Variants in EYS observed in about 807,000 individuals in gnomAD.
EYS encodes protein eyes shut homolog.
Under a neutral mutation model 282.1 loss-of-function variants are expected in EYS, and 250 were observed. That is an observed-to-expected ratio of 0.89 (90% CI 0.80 to 0.98). The LOEUF (loss-of-function observed/expected upper bound fraction) is 0.98, where lower values mean the gene tolerates loss of function less well. Ranked by LOEUF, EYS falls within the 50% of genes least tolerant of loss-of-function variation. The pLI, the probability that EYS is intolerant of heterozygous loss-of-function variation, is 0.00. For synonymous variants in EYS, 1,355 were observed against 1,282.9 expected (o/e 1.06, Z -1.20); for missense variants, 4,016 against 3,709.0 (o/e 1.08, Z -2.15).
chr6:64,204,827 AT>A (rs1765568937), intron 31 of EYS, among the ~76,000 whole-genome samples: 1 of 151,884 alleles, frequency 6.6e-6, no homozygotes, highest in African/African-American at 2.4e-5. Context: ...TGAATATTTC[AT>A]TCTTGTGAAT....
intron 26 of EYS, among the ~76,000 whole-genome samples, chr6:64,466,533 G>A (rs887870778): frequency 6.6e-6 from 1 of 152,130 alleles, no homozygotes; most frequent in Non-Finnish European, 1.5e-5. Flanking sequence ...TTACTTACAT[G>A]TGGAATCTAA....
At chr6:64,308,516 T>C (rs924523017) in intron 29 of EYS, among the ~76,000 whole-genome samples, 1 of 152,066 alleles carries the variant, frequency 6.6e-6, no homozygotes, top group African/African-American at 2.4e-5. Context: ...ATTTCAAGCT[T>C]AGGTGAACCA....
At chr6:65,426,694 ACTTTT>A (rs1226448175) in intron 5 of EYS, among the ~76,000 whole-genome samples, 1 of 152,122 alleles carries the variant, frequency 6.6e-6, no homozygotes, top group African/African-American at 2.4e-5. Context: ...GGGTTGTGAG[ACTTTT>A]CTTTTACTAT....
intron 5 of EYS, among the ~76,000 whole-genome samples, chr6:65,462,922 T>C (rs1387395721): frequency 6.6e-6 from 1 of 152,082 alleles, no homozygotes; most frequent in East Asian, 1.9e-4. Flanking sequence ...ATCAAGCTTG[T>C]TCTCTTGATT....
intron 33 of EYS, among the ~76,000 whole-genome samples, chr6:64,004,964 C>G (rs1279573095): frequency 6.6e-5 from 10 of 151,998 alleles, no homozygotes; most frequent in Admixed American, 6.6e-4. Context: ...ATCTATATGC[C>G]TTTGGGGATG....
intron 29 of EYS, among the ~76,000 whole-genome samples, chr6:64,383,208 G>A (rs1772806367): frequency 6.6e-6 from 1 of 152,156 alleles, no homozygotes; most frequent in Admixed American, 6.6e-5. Flanking sequence ...GGCTGAGGTG[G>A]GAAGATTGTT....
intron 30 of EYS, among the ~76,000 whole-genome samples, chr6:64,295,534 GA>G (rs568641320): frequency 4.3e-5 from 2 of 46,044 alleles, no homozygotes; most frequent in South Asian, 7.7e-4. Context: ...GAAAGAAGAA[GA>G]AAGAAGAAGA....
At chr6:64,336,636 T>C (rs1470433679) in intron 29 of EYS, among the ~76,000 whole-genome samples, 2 of 152,122 alleles carry the variant, frequency 1.3e-5, no homozygotes, top group Non-Finnish European at 2.9e-5. Flanking sequence ...TTAATAGATA[T>C]ATACAGAACA....
chr6:64,841,884 A>G (rs936765368), intron 19 of EYS, among the ~76,000 whole-genome samples: 18 of 152,190 alleles, frequency 1.2e-4, no homozygotes, highest in African/African-American at 4.1e-4. Flanking sequence ...GAACAAGATT[A>G]ACTTCTCATA....
chr6:64,374,324 C>G (rs1339404214), intron 29 of EYS, among the ~76,000 whole-genome samples: 1 of 152,006 alleles, frequency 6.6e-6, no homozygotes, highest in Non-Finnish European at 1.5e-5. Flanking sequence ...GGCTTTGTGG[C>G]CCAAGGCTTG....
At chr6:64,732,013 G>A (rs1397676815) in intron 22 of EYS, among the ~76,000 whole-genome samples, 3 of 152,096 alleles carry the variant, frequency 2.0e-5, no homozygotes, top group East Asian at 3.9e-4. Flanking sequence ...CCTTTGTAGT[G>A]ACATGGATGA....
intron 2 of EYS, among the ~76,000 whole-genome samples, chr6:65,540,290 C>A (rs1768114236): frequency 6.6e-6 from 1 of 151,988 alleles, no homozygotes; most frequent in Non-Finnish European, 1.5e-5. Context: ...GGCATAAATA[C>A]TTTGTGGGCA....
intron 26 of EYS, among the ~76,000 whole-genome samples, chr6:64,470,971 A>AT (rs1028345209): frequency 2.0e-5 from 3 of 152,150 alleles, no homozygotes; most frequent in Non-Finnish European, 4.4e-5. Flanking sequence ...ACATCCATAC[A>AT]TAAAAAGCTG....
chr6:65,432,303 G>A (rs1444967058), intron 5 of EYS, among the ~76,000 whole-genome samples: 2 of 152,026 alleles, frequency 1.3e-5, no homozygotes, highest in East Asian at 1.9e-4. Flanking sequence ...GAACAAAACA[G>A]ATAACCATAT....
chr6:63,732,813 G>A (rs1287542405), intron 41 of EYS, among the ~76,000 whole-genome samples: 3 of 152,152 alleles, frequency 2.0e-5, no homozygotes, highest in Admixed American at 6.6e-5. Flanking sequence ...GGACATAACA[G>A]TAAAACAAAC....
chr6:64,390,633 T>C (rs1773091791), intron 28 of EYS, among the ~76,000 whole-genome samples: 1 of 149,900 alleles, frequency 6.7e-6, no homozygotes, highest in Non-Finnish European at 1.5e-5. Context: ...TACATCACCA[T>C]CATCAAAGAC....
chr6:65,327,814 C>T (rs1769666317), intron 11 of EYS, among the ~76,000 whole-genome samples: 1 of 151,352 alleles, frequency 6.6e-6, no homozygotes, highest in Non-Finnish European at 1.5e-5. Flanking sequence ...ACAGAATTAC[C>T]ATGGGTTTGG....
intron 26 of EYS, among the ~76,000 whole-genome samples, chr6:64,480,550 T>C (rs1042055384): frequency 6.6e-6 from 1 of 151,850 alleles, no homozygotes; most frequent in African/African-American, 2.4e-5. Flanking sequence ...GTTTGCAGCC[T>C]AAGGGGTGAC....
At chr6:63,978,968 G>A (rs1766968690) in intron 35 of EYS, among the ~76,000 whole-genome samples, 2 of 151,928 alleles carry the variant, frequency 1.3e-5, no homozygotes, top group African/African-American at 4.8e-5. Context: ...ATGGGGTACT[G>A]AGAATAATGA....
Sources: allele counts gnomAD v4.1 joint callset (sites outside exome capture counted in the v4.1 genomes callset), GRCh38; gene constraint gnomAD v4.1.1; transcripts MANE v1.5; gene names NCBI Gene and HGNC (gene_info 2026-07-23, HGNC 2026-07-21).